Variants in GRIK3 observed in about 807,000 individuals in gnomAD.
GRIK3 encodes glutamate ionotropic receptor kainate type subunit 3.
GRIK3 carries 29 observed loss-of-function variants against 102.5 expected under a neutral mutation model. That is an observed-to-expected ratio of 0.28 (90% CI 0.21 to 0.39). The LOEUF is 0.39. Among genes scored for constraint, GRIK3 ranks in the 10% least tolerant of loss-of-function variants. The pLI is 1.00. For synonymous variants in GRIK3, 511 were observed against 504.9 expected (o/e 1.01, Z -0.16); for missense variants, 908 against 1,252.4 (o/e 0.73, Z 4.15).
At chr1:36,992,209 A>G (rs911831512) in intron 1 of GRIK3, among the ~76,000 whole-genome samples, 1 of 152,224 alleles carries the variant, frequency 6.6e-6, no homozygotes, top group Non-Finnish European at 1.5e-5. Context: ...GGTTGACCTC[A>G]AAGACAAAAG....
At chr1:36,919,639 C>T (rs1557426795) in intron 1 of GRIK3, among the ~76,000 whole-genome samples, 1 of 152,178 alleles carries the variant, frequency 6.6e-6, no homozygotes, top group Admixed American at 6.5e-5. Context: ...TTCTCACTCT[C>T]TGTCTCAGAA....
intron 1 of GRIK3, among the ~76,000 whole-genome samples, chr1:36,975,279 C>A (rs1642183088): frequency 1.6e-5 from 2 of 121,400 alleles, no homozygotes; most frequent in Non-Finnish European, 1.7e-5. Context: ...ATGAGCTTAT[C>A]TAAAGTTGGT....
intron 2 of GRIK3, among the ~76,000 whole-genome samples, chr1:36,886,521 G>A (rs1641039403): frequency 6.6e-6 from 1 of 152,218 alleles, no homozygotes; most frequent in Non-Finnish European, 1.5e-5. Flanking sequence ...CCAAAGGGGA[G>A]TGTGATCCAA....
At chr1:36,999,045 G>T (rs1642449179) in intron 1 of GRIK3, among the ~76,000 whole-genome samples, 1 of 151,850 alleles carries the variant, frequency 6.6e-6, no homozygotes, top group South Asian at 2.1e-4. Context: ...GGAAGGAGCA[G>T]GGATGGGCCC....
intron 1 of GRIK3, among the ~76,000 whole-genome samples, chr1:37,001,699 A>T (rs532118401): frequency 2.0e-5 from 3 of 152,348 alleles, no homozygotes; most frequent in African/African-American, 7.2e-5. Context: ...GAAAACTCTT[A>T]GTTTGGATTT....
intron 5 of GRIK3, among the ~76,000 whole-genome samples, chr1:36,868,293 G>T (rs1640807774): frequency 6.6e-6 from 1 of 152,222 alleles, no homozygotes; most frequent in Non-Finnish European, 1.5e-5. Flanking sequence ...GCAGGAAGAA[G>T]CCAGCTTAGG....
At chr1:36,886,487 C>A (rs1453633106) in intron 2 of GRIK3, among the ~76,000 whole-genome samples, 1 of 152,172 alleles carries the variant, frequency 6.6e-6, no homozygotes, top group Non-Finnish European at 1.5e-5. Flanking sequence ...GAACATGGGG[C>A]TCTCCCTGAG....
At chr1:36,840,814 A>G (rs572985942) in intron 10 of GRIK3, among the ~76,000 whole-genome samples, 8 of 152,350 alleles carry the variant, frequency 5.3e-5, no homozygotes, top group African/African-American at 1.9e-4. Flanking sequence ...CTGAGGCTTG[A>G]ACCCAGACCT....
intron 10 of GRIK3, among the ~76,000 whole-genome samples, chr1:36,838,425 T>C (rs1402007773): frequency 6.6e-5 from 10 of 152,070 alleles, no homozygotes. Context: ...CAGAGGGAAA[T>C]TTAGATGAGA....
chr1:36,856,069 G>A (rs1640648007), intron 7 of GRIK3, among the ~76,000 whole-genome samples: 2 of 152,160 alleles, frequency 1.3e-5, no homozygotes, highest in African/African-American at 2.4e-5. Flanking sequence ...CCGAGGGGTC[G>A]GGAACAGAGA....
At chr1:36,854,944 G>C (rs918957546) in intron 7 of GRIK3, among the ~76,000 whole-genome samples, 1 of 152,270 alleles carries the variant, frequency 6.6e-6, no homozygotes, top group Middle Eastern at 3.4e-3. Flanking sequence ...ACTAGAACCC[G>C]TGATCCCAGG....
At position 36,880,470 on chromosome 1, in the gene GRIK3, G is replaced by A. The variant is rs1640960052; in HGVS notation, c.550+164C>T. Among the ~76,000 whole-genome samples the A allele has an allele frequency of 6.6e-6, 1 of 152,134 alleles. No homozygotes were observed. Among genetic ancestry groups the A allele is most frequent in the African/African-American group, 2.4e-5 (1 of 41,422 alleles). ...AGTGCCGCTGGGGTGCACAGGGTGTGAGTGGGTGCAGGGGTGAACATCAGC... is the reference window on the plus strand; with the variant it reads ...AGTGCCGCTGGGGTGCACAGGGTGTAAGTGGGTGCAGGGGTGAACATCAGC... On this transcript the variant is annotated intron_variant, in intron 3 of 15. Transcript: ENST00000373091. The surrounding 1 kb of genome is among the most constrained non-coding windows in gnomAD (Gnocchi z 5.4).
chr1:36,996,673 C>T (rs1300581216), intron 1 of GRIK3, among the ~76,000 whole-genome samples: 1 of 152,164 alleles, frequency 6.6e-6, no homozygotes, highest in Middle Eastern at 3.2e-3. Flanking sequence ...GTCAGCTTCC[C>T]CACCGGGCGC....
intron 10 of GRIK3, among the ~76,000 whole-genome samples, chr1:36,837,704 C>T (rs971454846): frequency 6.6e-6 from 1 of 152,134 alleles, no homozygotes; most frequent in Non-Finnish European, 1.5e-5. Flanking sequence ...CTACCTCTTT[C>T]CCCCTTCTCC....
At chr1:36,912,029 C>T (rs1641350996) in intron 1 of GRIK3, among the ~76,000 whole-genome samples, 1 of 152,136 alleles carries the variant, frequency 6.6e-6, no homozygotes, top group African/African-American at 2.4e-5. Context: ...CCAGCCCAGC[C>T]TCTCTTCAGC....
chr1:37,032,391 C>T (rs1369253613), intron 1 of GRIK3, among the ~76,000 whole-genome samples: 1 of 152,044 alleles, frequency 6.6e-6, no homozygotes, highest in Non-Finnish European at 1.5e-5. Context: ...CCCTCTCAGT[C>T]CCCCCACCTT....
At chr1:36,926,954 C>T (rs541911144) in intron 1 of GRIK3, among the ~76,000 whole-genome samples, 15 of 152,360 alleles carry the variant, frequency 9.8e-5, no homozygotes, top group Non-Finnish European at 2.2e-4. Context: ...TTTCAGACGT[C>T]ATAGAGCTAC....
rs1641691825 is a variant in GRIK3, at chr1:36,939,139, G to A, written c.116-48043C>T. On this transcript the variant is annotated intron_variant, in intron 1 of 15. Coordinates refer to ENST00000373091, the MANE Select transcript of GRIK3 (RefSeq NM_000831.4). ...TACTTGATACGAGGCTTCTCTTACT[G>A]GCAATCAAAGCCTAATATCCTTCCA... Among the ~76,000 whole-genome samples, 4 of 152,272 alleles carry A rather than the reference G, an allele frequency of 2.6e-5. No individual in the cohort carries two copies. The South Asian group carries it at 8.3e-4, about 32-fold the overall frequency.
At chr1:37,008,419 G>A (rs1035142535) in intron 1 of GRIK3, among the ~76,000 whole-genome samples, 2 of 152,242 alleles carry the variant, frequency 1.3e-5, no homozygotes, top group African/African-American at 2.4e-5. Context: ...GATGGAGAGC[G>A]AACAAACGCC....
Sources: allele counts gnomAD v4.1 joint callset (sites outside exome capture counted in the v4.1 genomes callset), GRCh38; gene constraint gnomAD v4.1.1; non-coding constraint Gnocchi (gnomAD v3.1); transcripts MANE v1.5; gene names NCBI Gene and HGNC (gene_info 2026-07-23, HGNC 2026-07-21).